Variants in GPR137C observed in about 807,000 individuals in gnomAD.
GPR137C encodes integral membrane protein GPR137C.
GPR137C carries 27 observed loss-of-function variants against 43.4 expected under a neutral mutation model. The ratio of observed to expected loss-of-function variants is 0.62; its 90% CI spans 0.46 to 0.86. The LOEUF (loss-of-function observed/expected upper bound fraction) is 0.86. Among genes scored for constraint, GPR137C ranks in the 40% least tolerant of loss-of-function variants. The pLI is 0.00. For missense variants in GPR137C, 522 were observed against 534.6 expected, an observed-to-expected ratio of 0.98 and a Z score of 0.23; for synonymous variants, 285 against 226.9, an observed-to-expected ratio of 1.26 and a Z score of -2.30.
Position 52,627,962 on chromosome 14 carries a change from T to A in GPR137C, c.718-4198T>A, listed in dbSNP as rs866787606. On this transcript the variant is annotated intron_variant, in intron 3 of 6. Transcript: ENST00000321662. Reference sequence around the variant, plus strand: ...GTATGATAGCTAGCCAAATGTGACTTAAAAAGTGGCTAGAGCAACAAGAAC... The same window carrying A: ...GTATGATAGCTAGCCAAATGTGACTAAAAAAGTGGCTAGAGCAACAAGAAC... Among the ~76,000 whole-genome samples the A allele has an allele frequency of 3.1e-4, 47 of 152,360 alleles. No homozygotes were observed. In the Middle Eastern group the frequency reaches 0.014, roughly 44 times the overall value.
chr14:52,614,579 C>G (rs1263497147), intron 3 of GPR137C, among the ~76,000 whole-genome samples: 1 of 152,216 alleles, frequency 6.6e-6, no homozygotes, highest in East Asian at 1.9e-4. Context: ...CCTCAACCTC[C>G]TGGGCCCAGG....
chr14:52,583,191 AT>A (rs1436396984), intron 1 of GPR137C, among the ~76,000 whole-genome samples: 4 of 152,240 alleles, frequency 2.6e-5, no homozygotes, highest in African/African-American at 4.8e-5. Flanking sequence ...CTTAAAAAAA[AT>A]CTACATAAAG....
At chr14:52,588,687 A>G (rs551888924) in intron 1 of GPR137C, among the ~76,000 whole-genome samples, 135 of 152,334 alleles carry the variant, frequency 8.9e-4, no homozygotes, top group African/African-American at 2.7e-3. Context: ...CACATGAAAT[A>G]TGTACCTAAT....
chr14:52,592,909 G>A (rs1291129414), intron 1 of GPR137C, among the ~76,000 whole-genome samples: 3 of 152,186 alleles, frequency 2.0e-5, no homozygotes, highest in African/African-American at 4.8e-5. Flanking sequence ...GTCTTGTACC[G>A]ATTTTCAAAG....
At chr14:52,556,416 C>T (rs7143364) in intron 1 of GPR137C, among the ~76,000 whole-genome samples, 19,772 of 142,808 alleles carry the variant, frequency 0.14, 1,423 homozygotes, top group Non-Finnish European at 0.16. Context: ...TTGGTGTCTA[C>T]ACTTGAATGG....
At chr14:52,604,676 G>A (rs1181724113) in intron 3 of GPR137C, among the ~76,000 whole-genome samples, 1 of 152,148 alleles carries the variant, frequency 6.6e-6, no homozygotes, top group African/African-American at 2.4e-5. Flanking sequence ...TTAAACTCCT[G>A]ATCTCAGGTG....
chr14:52,583,958 CT>C (rs1227246736), intron 1 of GPR137C, among the ~76,000 whole-genome samples: 1 of 152,120 alleles, frequency 6.6e-6, no homozygotes, highest in African/African-American at 2.4e-5. Flanking sequence ...AATGTCTTCT[CT>C]TTTCCCTTAT....
chr14:52,591,634 T>C (rs1219292126), intron 1 of GPR137C, among the ~76,000 whole-genome samples: 1 of 152,196 alleles, frequency 6.6e-6, no homozygotes, highest in Non-Finnish European at 1.5e-5. Flanking sequence ...TTTTCAGAAG[T>C]GTCTGTTCAT....
At position 52,637,515 on chromosome 14, in the gene GPR137C, A is replaced by T. The variant is rs1355637425; in HGVS notation, c.*2400A>T. On this transcript the variant is annotated 3_prime_UTR_variant, in exon 7 of 7. Coordinates refer to ENST00000321662, the MANE Select transcript of GPR137C (RefSeq NM_001099652.2). ...ACTCATTGTAGTTGGTTGTAGTTTT[A>T]TGGAAAATGTAATTTATAGCTAAAG... is the stretch of plus-strand genomic sequence containing the variant. 1 of 152,188 alleles carries T rather than the reference A, an allele frequency of 6.6e-6. No individual in the cohort carries two copies. Among genetic ancestry groups the T allele is most frequent in the East Asian group, 1.9e-4 (1 of 5,202 alleles). The allele number at this position is 152,188 out of a possible 1,614,324, so 9.4% of individuals were successfully genotyped here.
intron 3 of GPR137C, among the ~76,000 whole-genome samples, chr14:52,616,536 C>T (rs1392132794): frequency 6.6e-6 from 1 of 152,138 alleles, no homozygotes; most frequent in South Asian, 2.1e-4. Flanking sequence ...TCATGTGATC[C>T]GCCTGCCTCA....
At chr14:52,598,350 AG>A (rs1341630035) in intron 2 of GPR137C, 35 bp downstream of exon 2, 2 of 940,410 alleles carry the variant, frequency 2.1e-6, no homozygotes, top group African/African-American at 3.4e-5. Context: ...TCTATCTAAA[AG>A]ATCTAAAGCA....
At chr14:52,626,126 G>T (rs952037690) in intron 3 of GPR137C, among the ~76,000 whole-genome samples, 6 of 152,030 alleles carry the variant, frequency 3.9e-5, no homozygotes, top group African/African-American at 1.4e-4. Context: ...TATACAGTAG[G>T]ATGTGCACAT....
At chr14:52,588,984 A>G (rs918445779) in intron 1 of GPR137C, among the ~76,000 whole-genome samples, 9 of 152,234 alleles carry the variant, frequency 5.9e-5, no homozygotes, top group Admixed American at 2.0e-4. Context: ...AGGCTACCTA[A>G]GTGTCCATTG....
chr14:52,625,200 G>A (rs1317862914), intron 3 of GPR137C, among the ~76,000 whole-genome samples: 23 of 152,044 alleles, frequency 1.5e-4, no homozygotes, highest in Admixed American at 1.5e-3. Flanking sequence ...AATAGAGGAG[G>A]GGGCTGGACA....
intron 3 of GPR137C, among the ~76,000 whole-genome samples, chr14:52,603,874 A>G (rs1181057331): frequency 6.6e-6 from 1 of 152,054 alleles, no homozygotes; most frequent in Admixed American, 6.6e-5. Context: ...CCTACTTTAC[A>G]TTCCCATCAA....
intron 1 of GPR137C, among the ~76,000 whole-genome samples, chr14:52,595,311 T>C (rs559878678): frequency 6.6e-6 from 1 of 152,286 alleles, no homozygotes; most frequent in Non-Finnish European, 1.5e-5. Flanking sequence ...GTTCCTCTTC[T>C]TGAGGAGTAT....
In GPR137C at chr14:52,633,893, A is replaced by G. The variant is rs773769272; in HGVS notation, c.1059A>G (p.Arg353=). 6.2e-7 allele frequency: 1 copy of G among 1,613,002 alleles called. No individual in the cohort carries two copies. Among genetic ancestry groups the G allele is most frequent in the South Asian group, 1.1e-5 (1 of 91,042 alleles). ...GAGCTTACTTTTTCGACAATCCAAG[A>G]CGATATGATAGTGATGATGACCTGC... The part of the protein sequence containing the change: ...SSRAYFFDNP[R]RYDSDDDLPR... The change falls in exon 6 of 7, where the codon AGA becomes AGG. Residue 353 remains arginine (R), a synonymous_variant. Transcript: ENST00000321662.
intron 2 of GPR137C, among the ~76,000 whole-genome samples, chr14:52,599,592 C>T (rs2038899826): frequency 6.6e-6 from 1 of 152,090 alleles, no homozygotes; most frequent in African/African-American, 2.4e-5. Flanking sequence ...TGCCGCCATA[C>T]CCAGCTAATT....
Position 52,600,081 on chromosome 14 carries a change from T to G in GPR137C, c.489-32T>G, listed in dbSNP as rs754115129. 73 of 1,371,292 alleles carry G rather than the reference T, an allele frequency of 5.3e-5. 1 individual carries two copies. Among genetic ancestry groups the G allele is most frequent in the Non-Finnish European group, 7.5e-5 (72 of 962,086 alleles). 84.9% of individuals were successfully genotyped at this position (1,371,292 alleles called of 1,614,324 possible). On this transcript the variant is annotated intron_variant, in intron 2 of 6. Transcript: ENST00000321662. ...ATTAAATTTGATTTCTTATTAGTTA[T>G]ATAACCATCTAATATACTTTTTTTC...
Sources: gnomAD v4.1 joint callset for allele counts (sites outside exome capture counted in the v4.1 genomes callset) on GRCh38, gnomAD v4.1.1 for gene constraint, MANE v1.5 for transcripts, NCBI Gene and HGNC (gene_info 2026-07-23, HGNC 2026-07-21) for gene names.